Variants in KCNC3 observed in about 807,000 individuals in gnomAD.
KCNC3 encodes the protein voltage-gated potassium channel KCNC3.
A neutral mutation model predicts 43.9 loss-of-function variants in KCNC3; 22 were observed. The observed-to-expected ratio is 0.50, with a 90% CI of 0.36 to 0.72. The LOEUF is 0.72. Among genes scored for constraint, KCNC3 ranks in the 30% least tolerant of loss-of-function variants. The pLI, the probability that KCNC3 is intolerant of heterozygous loss-of-function variation, is 0.00. For missense variants in KCNC3, 829 were observed against 1,073.8 expected (o/e 0.77, Z 3.19); for synonymous variants, 492 against 488.0 (o/e 1.01, Z -0.11).
At chr19:50,333,499 G>A, upstream of KCNC3, 1 of 198,306 alleles carries the variant, frequency 5.0e-6, no homozygotes, top group Non-Finnish European at 1.1e-5. Flanking sequence ...TGCCACCTGT[G>A]GCTGCCGTCG....
intron 4 of KCNC3, among the ~76,000 whole-genome samples, chr19:50,316,640 G>T (rs1284103353): frequency 6.6e-6 from 1 of 152,146 alleles, no homozygotes; most frequent in Non-Finnish European, 1.5e-5. Flanking sequence ...GGAGGCTGAC[G>T]CAGGAGAGTC....
rs150426801 is a variant in KCNC3, at chr19:50,324,002, A to G, written c.951T>C (p.His317=). The change falls in exon 2 of 5, where the codon CAT becomes CAC. Residue 317 remains histidine, a synonymous_variant. Coordinates refer to ENST00000477616, the MANE Select transcript of KCNC3 (RefSeq NM_004977.3). The surrounding 1 kb of genome is among the most constrained non-coding windows in gnomAD (Gnocchi z 4.1). ...CCTGGGTCACCGTCTTGTTGCTAATATGGATGAAGCCCTCATGGGTTTCCA... is the reference window on the plus strand; with the variant it reads ...CCTGGGTCACCGTCTTGTTGCTAATGTGGATGAAGCCCTCATGGGTTTCCA... ...FCLETHEGFI[H]ISNKTVTQAS... The G allele has an allele frequency of 5.5e-5, 88 of 1,612,206 alleles. No homozygotes were observed. The highest frequency in any genetic ancestry group is 7.2e-5 in the Non-Finnish European group (85 of 1,178,588).
In KCNC3 at chr19:50,329,051, C is replaced by T. The variant is rs1484398049; in HGVS notation, c.32G>A (p.Arg11His). 5 of 1,322,504 alleles carry T rather than the reference C, an allele frequency of 3.8e-6. No individual in the cohort carries two copies. The highest frequency in any genetic ancestry group is 3.3e-5 in the East Asian group (1 of 30,286). The allele number at this position is 1,322,504 out of a possible 1,614,324, so 81.9% of individuals were successfully genotyped here. ...CTGCTTGCTGGCCCCCTGGCGCCCG[C>T]GGAAGGACGAGACGCAGACTGAGCT... MLSSVCVSSF[R>H]GRQGASKQQP... Residue 11 changes from arginine to histidine, a missense_variant, in exon 1 of 5, where the codon CGC (arginine) becomes CAC (histidine). By Grantham distance (29) the Arg-to-His change is conservative. Coordinates refer to ENST00000477616, the MANE Select transcript of KCNC3 (RefSeq NM_004977.3).
intron 1 of KCNC3, among the ~76,000 whole-genome samples, chr19:50,326,464 G>T (rs2037107265): frequency 6.6e-6 from 1 of 151,854 alleles, no homozygotes; most frequent in Non-Finnish European, 1.5e-5. Context: ...AACTTTATGC[G>T]GTGGCTCCAG....
At chr19:50,321,070 G>A (rs2037028325) in intron 2 of KCNC3, among the ~76,000 whole-genome samples, 1 of 151,930 alleles carries the variant, frequency 6.6e-6, no homozygotes, top group Non-Finnish European at 1.5e-5. Context: ...CAGGGAGTTG[G>A]ACAGATTGTG....
At chr19:50,330,251 A>C (rs942804239), upstream of KCNC3, among the ~76,000 whole-genome samples, 2 of 152,156 alleles carry the variant, frequency 1.3e-5, no homozygotes, top group African/African-American at 4.8e-5. Context: ...TGGGCGACAG[A>C]GCGAGACTCT....
In KCNC3 at chr19:50,323,800, C is replaced by T. The variant is rs778679027; in HGVS notation, c.1153G>A (p.Asp385Asn). ...EFLKSSLNIIDCVAILPFYLE... is the reference protein window; with the variant it reads ...EFLKSSLNIINCVAILPFYLE... ...TAGAAGGGCAGGATGGCCACACAGT[C>T]GATGATGTTGAGGCTGCTTTTAAGA... The change falls in exon 2 of 5, where the codon GAC becomes AAC. Residue 385 changes from aspartate to asparagine, a missense_variant. Coordinates refer to ENST00000477616, the MANE Select transcript of KCNC3 (RefSeq NM_004977.3). The T allele has an allele frequency of 6.2e-6, 10 of 1,614,050 alleles. No homozygotes were observed. The highest frequency in any genetic ancestry group is 1.7e-5 in the Admixed American group (1 of 60,006).
Position 50,314,973 on chromosome 19 carries a change from T to G in KCNC3, c.*1142A>C. On this transcript the variant is annotated 3_prime_UTR_variant, in exon 5 of 5. Coordinates refer to ENST00000477616, the MANE Select transcript of KCNC3 (RefSeq NM_004977.3). Reference sequence around the variant, plus strand: ...CTCAGGCCCGCGATGCTGCTGAGGCTGCGGGATTTCTCGTAACCTGGGGGG... The same window carrying G: ...CTCAGGCCCGCGATGCTGCTGAGGCGGCGGGATTTCTCGTAACCTGGGGGG... 1 of 271,180 alleles carries G rather than the reference T, an allele frequency of 3.7e-6. No homozygotes were observed. Among genetic ancestry groups the G allele is most frequent in the Non-Finnish European group, 7.3e-6 (1 of 137,566 alleles). 16.8% of individuals were successfully genotyped at this position (271,180 alleles called of 1,614,324 possible).
At chr19:50,320,459 G>A (rs2123526103) in intron 3 of KCNC3, 110 bp from the exon 4 acceptor site, 1 of 782,488 alleles carries the variant, frequency 1.3e-6, no homozygotes, top group Non-Finnish European at 2.1e-6. Flanking sequence ...GAAGATCTGG[G>A]AGGGAGGCAG....
chr19:50,317,604 C>T (rs2036973884), intron 4 of KCNC3, among the ~76,000 whole-genome samples: 1 of 152,104 alleles, frequency 6.6e-6, no homozygotes, highest in Admixed American at 6.5e-5. Context: ...TCCCTGGACT[C>T]CAGCAGCCCT....
chr19:50,314,968 G>A lies in KCNC3; in HGVS notation c.*1147C>T, dbSNP rs2036928088. The A allele has an allele frequency of 7.0e-6, 2 of 286,614 alleles. No homozygotes were observed. Among genetic ancestry groups the A allele is most frequent in the South Asian group, 5.3e-5 (2 of 37,578 alleles). The allele number at this position is 286,614 out of a possible 1,614,324, so 17.8% of individuals were successfully genotyped here. A position where few individuals can be genotyped will look rare whatever the true frequency, so the allele number is the denominator to read the frequency against. ...CCCCGCTCAGGCCCGCGATGCTGCT[G>A]AGGCTGCGGGATTTCTCGTAACCTG... On this transcript the variant is annotated 3_prime_UTR_variant, in exon 5 of 5. Coordinates refer to ENST00000477616, the MANE Select transcript of KCNC3 (RefSeq NM_004977.3).
At chr19:50,322,520 T>G (rs564603233) in intron 2 of KCNC3, among the ~76,000 whole-genome samples, 1 of 152,248 alleles carries the variant, frequency 6.6e-6, no homozygotes, top group South Asian at 2.1e-4. Context: ...CTGGTCTCCA[T>G]GACAATCTCT....
Position 50,320,266 on chromosome 19 carries a change from C to T in KCNC3, c.2254G>A (p.Ala752Thr), listed in dbSNP as rs1201170387. The change falls in exon 4 of 5, where the codon GCG becomes ACG. Residue 752 changes from alanine (A) to threonine (T), a missense_variant. Around this residue, in one of 7 missense-constraint regions of KCNC3, gnomAD observed 308 missense variants for 276.2 expected, o/e 1.11. Transcript: ENST00000477616. The part of the protein sequence containing the change: ...SFLPDLNANA[A>T]AWISP Reference sequence around the variant, plus strand: ...GTCCACTAGGGGGATATCCAGGCCGCGGCGTTGGCGTTGAGGTCGGGCAAG... The same window carrying T: ...GTCCACTAGGGGGATATCCAGGCCGTGGCGTTGGCGTTGAGGTCGGGCAAG... The T allele has an allele frequency of 1.7e-5, 17 of 1,018,706 alleles. No individual in the cohort carries two copies. The highest frequency in any genetic ancestry group is 2.6e-5 in the South Asian group (1 of 38,442). The allele number at this position is 1,018,706 out of a possible 1,614,324, so 63.1% of individuals were successfully genotyped here.
intron 2 of KCNC3, 39 bp from the exon 3 acceptor site, chr19:50,320,823 G>A: frequency 6.2e-7 from 1 of 1,602,564 alleles, no homozygotes; most frequent in Non-Finnish European, 8.5e-7. Flanking sequence ...ACAAAGGAGA[G>A]AGTGAGGTGC....
Position 50,328,307 on chromosome 19 carries a change from C to A in KCNC3, c.776G>T (p.Gly259Val). Residue 259 changes from glycine (G) to valine (V), a missense_variant, in exon 1 of 5, where the codon GGG becomes GTG. Transcript: ENST00000477616. The part of the protein sequence containing the change: ...DAGGGAGGPP[G>V]GAGGAGGTWW... The stretch of plus-strand genomic sequence containing the variant: ...TGTGCCGCCCGCGCCGCCCGCGCCC[C>A]CTGGCGGCCCCCCGGCGCCGCCGCC... The A allele has an allele frequency of 8.7e-7, 1 of 1,143,652 alleles. No individual in the cohort carries two copies. The highest frequency in any genetic ancestry group is 1.1e-6 in the Non-Finnish European group (1 of 935,290). 70.8% of individuals were successfully genotyped at this position (1,143,652 alleles called of 1,614,324 possible).
Position 50,327,961 on chromosome 19 carries a change from G to A in KCNC3, c.870+252C>T, listed in dbSNP as rs376720792. On this transcript the variant is annotated intron_variant, in intron 1 of 4. Coordinates refer to ENST00000477616, the MANE Select transcript of KCNC3 (RefSeq NM_004977.3). ...CTAAGCGTCTAGGGTGGCCTTGGCG[G>A]GGGAGGGGGAACTTTGGAGGGGTCT... 1.7e-3 allele frequency among the ~76,000 whole-genome samples: 250 copies of A among 151,460 alleles called. 1 individual carries two copies. Among genetic ancestry groups the A allele is most frequent in the African/African-American group, 5.4e-3 (224 of 41,226 alleles).
At position 50,312,324 on chromosome 19, in the gene KCNC3, T is replaced by TGTG. The variant is rs2036889122; in HGVS notation, c.*3790_*3791insCAC. On this transcript the variant is annotated 3_prime_UTR_variant, in exon 5 of 5. Transcript: ENST00000477616. ...GCTCTGTGTGTGTGTGTGTGTGTGT[T>TGTG]GGGGAGGGTGAGCCGCGGAGCTCAG... is the stretch of plus-strand genomic sequence containing the variant. 1 of 125,472 alleles carries TGTG rather than the reference T, an allele frequency of 8.0e-6. No homozygotes were observed. Among genetic ancestry groups the TGTG allele is most frequent in the Non-Finnish European group, 1.7e-5 (1 of 57,342 alleles). 7.8% of individuals were successfully genotyped at this position (125,472 alleles called of 1,614,324 possible).
intron 1 of KCNC3, among the ~76,000 whole-genome samples, chr19:50,326,799 T>G (rs1601101209): frequency 6.6e-6 from 1 of 151,286 alleles, no homozygotes; most frequent in Non-Finnish European, 1.5e-5. Context: ...TTGAGGAAAG[T>G]TTTCTGGGAG....
chr19:50,329,004 G>A lies in KCNC3; in HGVS notation c.79C>T (p.Pro27Ser), dbSNP rs1271486158. ...GGTGGCGGCGGCGGGGACTCGGGCG[G>A]CTGCGGCGGTGGCGCCGGCTGCTGC... ...SKQQPAPPPQ[P>S]PESPPPPPLP... The change falls in exon 1 of 5, where the codon CCG becomes TCG. Residue 27 changes from proline (P) to serine (S), a missense_variant. Pro to Ser is a moderately conservative substitution (Grantham distance 74). Around this residue, in one of 7 missense-constraint regions of KCNC3, gnomAD observed 129 missense variants for 83.6 expected, o/e 1.54. Transcript: ENST00000477616. The A allele has an allele frequency of 1.6e-6, 2 of 1,261,420 alleles. No individual in the cohort carries two copies. The highest frequency in any genetic ancestry group is 2.2e-5 in the South Asian group (1 of 45,262). 78.1% of individuals were successfully genotyped at this position (1,261,420 alleles called of 1,614,324 possible). A position where few individuals can be genotyped will look rare whatever the true frequency, so the allele number is the denominator to read the frequency against.
Sources: allele counts gnomAD v4.1 joint callset (sites outside exome capture counted in the v4.1 genomes callset), GRCh38; gene constraint gnomAD v4.1.1; regional missense constraint gnomAD v4.1.1; non-coding constraint Gnocchi (gnomAD v3.1); transcripts MANE v1.5; gene names NCBI Gene and HGNC (gene_info 2026-07-23, HGNC 2026-07-21).